The following RARB variants were observed in gnomAD, a reference collection of about 807,000 sequenced individuals.
RARB encodes the protein retinoic acid receptor beta.
In RARB, 17 loss-of-function variants were observed where a neutral mutation model predicts 51.9. That is an observed-to-expected ratio of 0.33 (90% confidence interval 0.22 to 0.49). The LOEUF is 0.49. Ranked by LOEUF, RARB falls within the 20% of genes least tolerant of loss-of-function variation. RARB has a pLI of 0.99. For synonymous variants in RARB, 215 were observed against 195.4 expected (o/e 1.10, Z -0.84); for missense variants, 369 against 550.8 (o/e 0.67, Z 3.30).
intron 5 of RARB, among the ~76,000 whole-genome samples, chr3:25,319,480 A>G (rs536883831): frequency 6.6e-6 from 1 of 152,206 alleles, no homozygotes; most frequent in Non-Finnish European, 1.5e-5. Flanking sequence ...CTCCTTCTCA[A>G]CACATTGTTA....
intron 5 of RARB, among the ~76,000 whole-genome samples, chr3:25,363,432 AC>A (rs1203845855): frequency 6.6e-6 from 1 of 151,954 alleles, no homozygotes. Context: ...GCTCCTGAAA[AC>A]CTTCTTTCCT....
intron 1 of RARB, among the ~76,000 whole-genome samples, chr3:24,841,901 A>G (rs1702425612): frequency 1.3e-5 from 2 of 152,202 alleles, no homozygotes; most frequent in African/African-American, 2.4e-5. Flanking sequence ...ATATAATTAC[A>G]TAGAACTAAT....
At position 25,577,604 on chromosome 3, in the gene RARB, C is replaced by A. The variant is rs148068666; in HGVS notation, c.610-2942C>A. 2.7e-3 allele frequency among the ~76,000 whole-genome samples: 414 copies of A among 152,248 alleles called. 1 individual carries two copies. Among genetic ancestry groups the A allele is most frequent in the African/African-American group, 9.4e-3 (392 of 41,520 alleles). The stretch of plus-strand genomic sequence containing the variant: ...TTCCTTCTTAACTTTGAAAAAAAAG[C>A]CAGAACGCTTGAACAAACCACTGTA... On this transcript the variant is annotated intron_variant, in intron 4 of 7. Coordinates refer to ENST00000330688, the MANE Select transcript of RARB (RefSeq NM_000965.5).
chr3:25,306,904 G>A (rs191379150), intron 5 of RARB, among the ~76,000 whole-genome samples: 6 of 152,194 alleles, frequency 3.9e-5, no homozygotes, highest in African/African-American at 1.4e-4. Context: ...TCCATCCTTG[G>A]TGGGAGTCAT....
At chr3:24,906,612 G>A (rs974333029) in intron 2 of RARB, among the ~76,000 whole-genome samples, 2 of 152,070 alleles carry the variant, frequency 1.3e-5, no homozygotes, top group African/African-American at 2.4e-5. Context: ...GGAGGTTGAG[G>A]CGGGCAGATC....
At chr3:24,852,772 C>T (rs1002550935) in intron 1 of RARB, among the ~76,000 whole-genome samples, 1 of 152,058 alleles carries the variant, frequency 6.6e-6, no homozygotes, top group African/African-American at 2.4e-5. Flanking sequence ...AGTGTGATTC[C>T]ATTTATATGG....
intron 2 of RARB, among the ~76,000 whole-genome samples, chr3:24,897,346 A>G (rs575636831): frequency 1.4e-5 from 2 of 142,174 alleles, no homozygotes; most frequent in East Asian, 3.9e-4. Flanking sequence ...TTAATTTTGG[A>G]CAGCATGTGT....
chr3:25,504,849 C>A (rs1697502936), intron 3 of RARB, among the ~76,000 whole-genome samples: 1 of 149,690 alleles, frequency 6.7e-6, no homozygotes, highest in Non-Finnish European at 1.5e-5. Context: ...CCTCCACCTC[C>A]TGGGTTCAAG....
chr3:24,984,617 T>G (rs1029280095), intron 2 of RARB, among the ~76,000 whole-genome samples: 1 of 152,206 alleles, frequency 6.6e-6, no homozygotes. Flanking sequence ...CAGAGAAATA[T>G]TCATCAAAGG....
intron 2 of RARB, among the ~76,000 whole-genome samples, chr3:24,926,013 T>A (rs1364062817): frequency 1.3e-5 from 2 of 152,118 alleles, no homozygotes; most frequent in African/African-American, 4.8e-5. Context: ...CAGTAGGTGA[T>A]CTGAGAATAC....
At chr3:25,416,245 C>G (rs1393875056) in intron 5 of RARB, among the ~76,000 whole-genome samples, 1 of 152,124 alleles carries the variant, frequency 6.6e-6, no homozygotes, top group African/African-American at 2.4e-5. Context: ...AACAATTAGT[C>G]AGGCATGGTG....
chr3:25,379,843 G>T (rs1405117779), intron 5 of RARB, among the ~76,000 whole-genome samples: 2 of 152,124 alleles, frequency 1.3e-5, no homozygotes, highest in Admixed American at 6.5e-5. Flanking sequence ...AGTTAATGGT[G>T]CCTCTTTTTC....
chr3:24,947,502 C>T (rs1034061986), intron 2 of RARB, among the ~76,000 whole-genome samples: 1 of 152,218 alleles, frequency 6.6e-6, no homozygotes, highest in African/African-American at 2.4e-5. Flanking sequence ...AAAGAAGGCT[C>T]AGGCTGTGAG....
At chr3:25,300,866 G>A (rs1057261217) in intron 5 of RARB, among the ~76,000 whole-genome samples, 3 of 152,052 alleles carry the variant, frequency 2.0e-5, no homozygotes, top group Non-Finnish European at 4.4e-5. Flanking sequence ...GCATGGTGGC[G>A]GGTGCCTGTA....
rs184872771 is a variant in RARB at position 25,332,674 on chromosome 3, A to G, written c.179-128519A>G. ...CAGCATAGTGCTGGAAGTTCTGGCCAGGGCAATCAGGCAGGAGAAAGAAAT... is the reference window on the plus strand; with the variant it reads ...CAGCATAGTGCTGGAAGTTCTGGCCGGGGCAATCAGGCAGGAGAAAGAAAT... On this transcript the variant is annotated intron_variant, in intron 5 of 11. Transcript: ENST00000383772. Among the ~76,000 whole-genome samples, 830 of 152,342 alleles carry G rather than the reference A, an allele frequency of 5.4e-3. 4 individuals carry two copies. Among genetic ancestry groups the G allele is most frequent in the Middle Eastern group, 0.027 (8 of 294 alleles).
chr3:24,830,723 C>G (rs1282124051), intron 1 of RARB, among the ~76,000 whole-genome samples: 1 of 151,314 alleles, frequency 6.6e-6, no homozygotes, highest in Non-Finnish European at 1.5e-5. Context: ...CCTGTCCTGC[C>G]AGTTATGGAG....
chr3:25,573,073 C>T (rs1216801466), intron 4 of RARB, among the ~76,000 whole-genome samples: 1 of 152,144 alleles, frequency 6.6e-6, no homozygotes, highest in African/African-American at 2.4e-5. Context: ...CCCCAGCTTC[C>T]TTATTCGTTG....
Position 25,323,347 on chromosome 3 carries a change from C to T in RARB, c.179-137846C>T, listed in dbSNP as rs75812834. 2.3e-3 allele frequency among the ~76,000 whole-genome samples: 343 copies of T among 152,270 alleles called. 2 individuals are homozygous for T. The highest frequency in any genetic ancestry group is 7.9e-3 in the African/African-American group (329 of 41,558). Reference sequence around the variant, plus strand: ...GTGGGATAAGAGCAATTGCTGTGGTCATTATTAAAGAACAGCCTACCACAA... The same window carrying T: ...GTGGGATAAGAGCAATTGCTGTGGTTATTATTAAAGAACAGCCTACCACAA... On this transcript the variant is annotated intron_variant, in intron 5 of 11. Transcript: ENST00000383772.
chr3:24,931,132 C>G (rs751781294), intron 2 of RARB, among the ~76,000 whole-genome samples: 1 of 152,030 alleles, frequency 6.6e-6, no homozygotes, highest in Non-Finnish European at 1.5e-5. Context: ...ACAGTCTATA[C>G]TTTTAAGTAC....
Sources: allele counts gnomAD v4.1 joint callset (sites outside exome capture counted in the v4.1 genomes callset), GRCh38; gene constraint gnomAD v4.1.1; transcripts MANE v1.5; gene names NCBI Gene and HGNC (gene_info 2026-07-23, HGNC 2026-07-21).